The following CPA6 variants were observed in gnomAD, a reference collection of about 807,000 sequenced individuals.
CPA6 encodes carboxypeptidase A6, also known as carboxypeptidase B.
A neutral mutation model predicts 63.3 loss-of-function variants in CPA6; 58 were observed. The ratio of observed to expected loss-of-function variants is 0.92; its 90% confidence interval spans 0.74 to 1.14. The LOEUF is 1.14. Ranked by LOEUF, CPA6 falls within the 50% of genes most tolerant of loss-of-function variation. CPA6 has a pLI of 0.00. For synonymous variants in CPA6, 185 were observed against 179.0 expected, an observed-to-expected ratio of 1.03 and a Z score of -0.27; for missense variants, 565 against 526.6, an observed-to-expected ratio of 1.07 and a Z score of -0.71.
At chr8:67,518,139 A>G in intron 2 of CPA6, 92 bp from the exon 3 acceptor site, 2 of 1,205,608 alleles carry the variant, frequency 1.7e-6, no homozygotes, top group Non-Finnish European at 2.3e-6. Flanking sequence ...GTTTGCATAT[A>G]GTAACACCAA....
rs540371687 is a variant in CPA6, at chr8:67,582,733, A to G, written c.192+41443T>C. ...CATTATTATAGTTGAAATACAATGA[A>G]GATTTTTCATGTCAGTCATGGTTGT... On this transcript the variant is annotated intron_variant, in intron 2 of 10. Coordinates refer to ENST00000297770, the MANE Select transcript of CPA6 (RefSeq NM_020361.5). Among the ~76,000 whole-genome samples the G allele has an allele frequency of 2.8e-5, 3 of 107,542 alleles. No individual in the cohort carries two copies. In the South Asian group the frequency reaches 9.0e-4, roughly 32 times the overall value. The allele number at this position is 107,542 out of a possible 152,430, so 70.6% of individuals were successfully genotyped here. A position where few individuals can be genotyped will look rare whatever the true frequency, so the allele number is the denominator to read the frequency against.
chr8:67,631,264 G>A (rs1329096554), intron 1 of CPA6, among the ~76,000 whole-genome samples: 1 of 152,150 alleles, frequency 6.6e-6, no homozygotes, highest in East Asian at 1.9e-4. Flanking sequence ...TCTACCTCTG[G>A]GTTTTTGGAT....
chr8:67,646,356 C>G (rs1410440121), intron 1 of CPA6, among the ~76,000 whole-genome samples: 1 of 152,246 alleles, frequency 6.6e-6, no homozygotes, highest in Non-Finnish European at 1.5e-5. Context: ...CAAGCTTCTG[C>G]TTCTCAATCC....
chr8:67,537,110 A>G (rs546203466), intron 2 of CPA6, among the ~76,000 whole-genome samples: 8 of 152,264 alleles, frequency 5.3e-5, no homozygotes, highest in African/African-American at 1.7e-4. Flanking sequence ...TATTTTATTG[A>G]GGATTTTCAC....
At chr8:67,699,148 T>G (rs190953738) in intron 1 of CPA6, among the ~76,000 whole-genome samples, 1 of 152,212 alleles carries the variant, frequency 6.6e-6, no homozygotes, top group Admixed American at 6.5e-5. Context: ...CCAGGTTTAG[T>G]GGCTCACGCC....
At chr8:67,674,721 C>T (rs893672973) in intron 1 of CPA6, among the ~76,000 whole-genome samples, 1 of 152,078 alleles carries the variant, frequency 6.6e-6, no homozygotes, top group Non-Finnish European at 1.5e-5. Context: ...CACATGCACT[C>T]ATATGTTTGT....
chr8:67,570,583 G>C (rs1350593410), intron 2 of CPA6, among the ~76,000 whole-genome samples: 2 of 152,188 alleles, frequency 1.3e-5, no homozygotes, highest in Non-Finnish European at 2.9e-5. Flanking sequence ...GGGAGTAAAA[G>C]TTTAGAGTTG....
intron 9 of CPA6, among the ~76,000 whole-genome samples, chr8:67,432,227 A>G (rs1413156131): frequency 6.6e-6 from 1 of 152,134 alleles, no homozygotes; most frequent in Non-Finnish European, 1.5e-5. Context: ...AGGAGGAGAG[A>G]GAGGCCAGAG....
chr8:67,632,179 TG>T (rs1481152729), intron 1 of CPA6, among the ~76,000 whole-genome samples: 41 of 145,464 alleles, frequency 2.8e-4, no homozygotes, highest in African/African-American at 1.0e-3. Flanking sequence ...TGTGTGTGTG[TG>T]TGTTTTCTCA....
intron 8 of CPA6, among the ~76,000 whole-genome samples, chr8:67,455,663 C>CAAAAAAAA (rs552041509): frequency 0.015 from 441 of 30,326 alleles, 50 homozygotes; most frequent in African/African-American, 0.031. Context: ...TCTACAAAAG[C>CAAAAAAAA]AAAAAAAAAA....
At chr8:67,736,123 C>T (rs561386860) in intron 1 of CPA6, among the ~76,000 whole-genome samples, 4 of 152,122 alleles carry the variant, frequency 2.6e-5, no homozygotes, top group Non-Finnish European at 5.9e-5. Context: ...GAGAGGCAAA[C>T]CAGCTTTCAG....
At chr8:67,633,843 G>C (rs908337896) in intron 1 of CPA6, among the ~76,000 whole-genome samples, 3 of 152,016 alleles carry the variant, frequency 2.0e-5, no homozygotes, top group African/African-American at 7.2e-5. Context: ...TTGTCCCCTT[G>C]AACAAGATAA....
intron 2 of CPA6, among the ~76,000 whole-genome samples, chr8:67,604,704 C>T (rs555543479): frequency 2.0e-4 from 30 of 152,244 alleles, no homozygotes; most frequent in Non-Finnish European, 3.7e-4. Flanking sequence ...GTACATACAA[C>T]GCTCAGAGAC....
At chr8:67,644,625 T>C (rs1425651226) in intron 1 of CPA6, among the ~76,000 whole-genome samples, 1 of 152,210 alleles carries the variant, frequency 6.6e-6, no homozygotes, top group Non-Finnish European at 1.5e-5. Flanking sequence ...GCACCGGAAC[T>C]TGAAGAGGGA....
At chr8:67,492,684 C>T (rs909450736) in intron 6 of CPA6, among the ~76,000 whole-genome samples, 4 of 152,140 alleles carry the variant, frequency 2.6e-5, no homozygotes, top group African/African-American at 7.2e-5. Context: ...CTCTGTCCTG[C>T]TTCAGCTTGC....
intron 2 of CPA6, among the ~76,000 whole-genome samples, chr8:67,552,774 CAAAAAAAAAAAA>C (rs762395117): frequency 8.6e-4 from 18 of 20,940 alleles, no homozygotes; most frequent in Non-Finnish European, 1.5e-3. Flanking sequence ...AAGACTGTCT[CAAAAAAAAAAAA>C]AAAAAAAAAA....
At position 67,746,045 on chromosome 8, in the gene CPA6, G is replaced by GC; in HGVS notation, c.84dup (p.His29AlafsTer6). 6.2e-7 allele frequency: 1 copy of GC among 1,613,726 alleles called. No individual in the cohort carries two copies. The highest frequency in any genetic ancestry group is 1.7e-5 in the Admixed American group (1 of 60,016). On this transcript the variant is annotated frameshift_variant, in exon 1 of 11. Coordinates refer to ENST00000297770, the MANE Select transcript of CPA6 (RefSeq NM_020361.5). LOFTEE classifies it high-confidence loss of function. ...TAGCGGTTGTTATAAAGGTGGCTGT[G>GC]CCCCGGTTGCAGAATCTTCAAAAAG...
chr8:67,486,131 G>A (rs1348199520), intron 6 of CPA6, among the ~76,000 whole-genome samples: 1 of 152,128 alleles, frequency 6.6e-6, no homozygotes, highest in Non-Finnish European at 1.5e-5. Flanking sequence ...TAATCATTTG[G>A]TGGTTATGAT....
At chr8:67,550,635 A>G (rs146471410) in intron 2 of CPA6, among the ~76,000 whole-genome samples, 3 of 152,332 alleles carry the variant, frequency 2.0e-5, no homozygotes, top group East Asian at 3.9e-4. Context: ...CAGTGGCTGC[A>G]CTAATTTATA....
Sources: allele counts gnomAD v4.1 joint callset (sites outside exome capture counted in the v4.1 genomes callset), GRCh38; gene constraint gnomAD v4.1.1; transcripts MANE v1.5; gene names NCBI Gene and HGNC (gene_info 2026-07-23, HGNC 2026-07-21).